CDH18: variants seen among roughly 807,000 people sequenced by gnomAD.
CDH18 encodes the protein cadherin 18, also known as cadherin-18.
A neutral mutation model predicts 67.9 loss-of-function variants in CDH18; 31 were observed. That is an observed-to-expected ratio of 0.46 (90% CI 0.34 to 0.62). The LOEUF (loss-of-function observed/expected upper bound fraction) is 0.62. Ranked by LOEUF, CDH18 falls within the 20% of genes least tolerant of loss-of-function variation. CDH18 has a pLI of 0.01. For missense variants in CDH18, 890 were observed against 975.5 expected, an observed-to-expected ratio of 0.91 and a Z score of 1.17; for synonymous variants, 362 against 347.2, an observed-to-expected ratio of 1.04 and a Z score of -0.48.
intron 2 of CDH18, among the ~76,000 whole-genome samples, chr5:19,966,559 TAAAG>T (rs1797458671): frequency 6.6e-6 from 1 of 152,094 alleles, no homozygotes; most frequent in Admixed American, 6.6e-5. Flanking sequence ...TCACATGGTA[TAAAG>T]AAAGTAGCAA....
chr5:19,879,910 A>T (rs929210691), intron 2 of CDH18, among the ~76,000 whole-genome samples: 3 of 151,980 alleles, frequency 2.0e-5, no homozygotes, highest in Non-Finnish European at 4.4e-5. Context: ...TATCTTTTAA[A>T]GGTGACTTAA....
chr5:19,850,403 G>A lies in CDH18; in HGVS notation c.-256-11161C>T, dbSNP rs141903481. On this transcript the variant is annotated intron_variant, in intron 2 of 12. Transcript: ENST00000382275. ...ACAATCAACTACAAATAATGTTTAGGGTAGATGTGATTTTTATTTCTACCA... is the reference window on the plus strand; with the variant it reads ...ACAATCAACTACAAATAATGTTTAGAGTAGATGTGATTTTTATTTCTACCA... Among the ~76,000 whole-genome samples the A allele has an allele frequency of 5.7e-3, 860 of 151,720 alleles. 4 individuals are homozygous for A. The highest frequency in any genetic ancestry group is 0.011 in the Admixed American group (166 of 15,198).
At chr5:19,654,248 C>G (rs1756006453) in intron 5 of CDH18, among the ~76,000 whole-genome samples, 1 of 152,080 alleles carries the variant, frequency 6.6e-6, no homozygotes, top group East Asian at 1.9e-4. Flanking sequence ...ATGATAAGAG[C>G]AAGAAGAGGT....
intron 8 of CDH18, among the ~76,000 whole-genome samples, chr5:19,546,104 G>C (rs1455170686): frequency 1.3e-5 from 2 of 152,166 alleles, no homozygotes; most frequent in African/African-American, 4.8e-5. Context: ...ATTCTGTTAG[G>C]AGGTTGATTG....
Position 20,117,030 on chromosome 5 carries a change from A to AGTGT in CDH18, c.-517-125020_-517-125017dup, listed in dbSNP as rs368558102. On this transcript the variant is annotated intron_variant, in intron 2 of 14. Coordinates refer to the CDH18 transcript ENST00000507958. Reference sequence around the variant, plus strand: ...ATAAATGTGTGTGTGTGTGTGTGTGAGTGTGTGTGTGTGTGTGTGTATTTT... The same window carrying AGTGT: ...ATAAATGTGTGTGTGTGTGTGTGTGAGTGTGTGTGTGTGTGTGTGTGTGTATTTT... 2.9e-3 allele frequency among the ~76,000 whole-genome samples: 432 copies of AGTGT among 147,866 alleles called. 5 individuals are homozygous for AGTGT. The highest frequency in any genetic ancestry group is 1.0e-2 in the African/African-American group (404 of 40,480).
At position 19,517,401 on chromosome 5, in the gene CDH18, A is replaced by T. The variant is rs183525028; in HGVS notation, c.1512+3256T>A. On this transcript the variant is annotated intron_variant, in intron 10 of 12. Coordinates refer to ENST00000382275, the MANE Select transcript of CDH18 (RefSeq NM_004934.5). ...GTCTGTAGTTTGTCTTTTTTTTATCATCTTAACAGACTTTTTCAAAGAGCA... is the reference window on the plus strand; with the variant it reads ...GTCTGTAGTTTGTCTTTTTTTTATCTTCTTAACAGACTTTTTCAAAGAGCA... 1.8e-3 allele frequency among the ~76,000 whole-genome samples: 276 copies of T among 151,952 alleles called. 2 individuals are homozygous for T. Among genetic ancestry groups the T allele is most frequent in the Admixed American group, 0.017 (253 of 15,248 alleles).
chr5:19,665,300 A>G (rs1212809328), intron 5 of CDH18, among the ~76,000 whole-genome samples: 1 of 152,038 alleles, frequency 6.6e-6, no homozygotes, highest in Non-Finnish European at 1.5e-5. Context: ...CTGTATAAGT[A>G]AAAGAATAAT....
rs1229024384 is a variant in CDH18, at chr5:19,715,804, C to T, written c.643+5543G>A. Among the ~76,000 whole-genome samples, 3 of 143,212 alleles carry T rather than the reference C, an allele frequency of 2.1e-5. No homozygotes were observed. The East Asian group carries it at 6.6e-4, about 32-fold the overall frequency. 94.0% of individuals were successfully genotyped at this position (143,212 alleles called of 152,430 possible). The stretch of plus-strand genomic sequence containing the variant: ...TCAAAATGTAGTAATTTTGGAAATT[C>T]TTGTCGATCTCTTTTTTTTTTTTTT... On this transcript the variant is annotated intron_variant, in intron 5 of 12. Transcript: ENST00000382275.
At chr5:20,392,760 A>G (rs1580893507) in intron 1 of CDH18, among the ~76,000 whole-genome samples, 2 of 151,932 alleles carry the variant, frequency 1.3e-5, no homozygotes, top group Non-Finnish European at 2.9e-5. Flanking sequence ...AAAATTTACA[A>G]TGATGACATA....
At chr5:20,022,109 A>G (rs1738478019) in intron 2 of CDH18, among the ~76,000 whole-genome samples, 1 of 152,216 alleles carries the variant, frequency 6.6e-6, no homozygotes, top group African/African-American at 2.4e-5. Context: ...TGTTCTTCCA[A>G]CTAGTATTGT....
intron 9 of CDH18, among the ~76,000 whole-genome samples, chr5:19,522,368 A>G (rs1446962583): frequency 2.6e-5 from 4 of 152,282 alleles, no homozygotes; most frequent in Non-Finnish European, 4.4e-5. Flanking sequence ...AAAGACCCAT[A>G]TGCAGAATAC....
intron 2 of CDH18, among the ~76,000 whole-genome samples, chr5:19,972,355 T>C (rs1252346855): frequency 6.6e-6 from 1 of 152,036 alleles, no homozygotes; most frequent in Admixed American, 6.6e-5. Flanking sequence ...ATGTCAAAAT[T>C]ACTAAGTCTA....
chr5:19,482,728 G>A lies in CDH18; in HGVS notation c.1882+573C>T, dbSNP rs776282254. 1.8e-3 allele frequency among the ~76,000 whole-genome samples: 269 copies of A among 152,196 alleles called. 3 individuals carry two copies. Among genetic ancestry groups the A allele is most frequent in the Non-Finnish European group, 1.8e-3 (123 of 68,000 alleles). On this transcript the variant is annotated intron_variant, in intron 12 of 12. Coordinates refer to ENST00000382275, the MANE Select transcript of CDH18 (RefSeq NM_004934.5). The stretch of plus-strand genomic sequence containing the variant: ...CAAATTAATGTTTCTGTCATCTCAC[G>A]TAGTTACACTCTTTTTTCACGTGAA...
intron 1 of CDH18, among the ~76,000 whole-genome samples, chr5:20,340,235 T>A (rs1044670247): frequency 1.1e-4 from 16 of 152,176 alleles, no homozygotes; most frequent in African/African-American, 2.2e-4. Context: ...AGGACAAGTT[T>A]ATTACCCAGT....
chr5:19,644,010 TA>T (rs1561530639), intron 5 of CDH18, among the ~76,000 whole-genome samples: 6 of 152,154 alleles, frequency 3.9e-5, no homozygotes, highest in Non-Finnish European at 7.4e-5. Context: ...AAAACATACA[TA>T]GTGCCTCTCC....
intron 2 of CDH18, among the ~76,000 whole-genome samples, chr5:19,935,884 T>C (rs543648593): frequency 6.6e-6 from 1 of 150,904 alleles, no homozygotes; most frequent in Non-Finnish European, 1.5e-5. Context: ...TGTGATTTTT[T>C]TTTTTGTTCC....
rs1431262560 is a variant in CDH18 at position 19,472,150 on chromosome 5, T to C, written c.*1076A>G. Among the ~76,000 whole-genome samples, 1 of 152,188 alleles carries C rather than the reference T, an allele frequency of 6.6e-6. No homozygotes were observed. The highest frequency in any genetic ancestry group is 1.5e-5 in the Non-Finnish European group (1 of 68,036). The stretch of plus-strand genomic sequence containing the variant: ...TCTGAAACTGTGTAAGGAATAAATG[T>C]AAGTCAACTATGATTCTATGACATT... On this transcript the variant is annotated 3_prime_UTR_variant, in exon 13 of 13. Coordinates refer to ENST00000382275, the MANE Select transcript of CDH18 (RefSeq NM_004934.5).
rs139582577 is a variant in CDH18, at chr5:19,684,102, A to G, written c.643+37245T>C. Among the ~76,000 whole-genome samples the G allele has an allele frequency of 1.3e-3, 196 of 152,136 alleles. 1 individual carries two copies. The highest frequency in any genetic ancestry group is 4.6e-3 in the African/African-American group (190 of 41,538). On this transcript the variant is annotated intron_variant, in intron 5 of 12. Coordinates refer to ENST00000382275, the MANE Select transcript of CDH18 (RefSeq NM_004934.5). ...TTGATTTTCCTTTCTATAGTTTCTA[A>G]TTGTTTGTTTTTCATGACATTTTCC...
intron 4 of CDH18, among the ~76,000 whole-genome samples, chr5:19,744,694 T>A (rs1370111699): frequency 1.3e-5 from 2 of 152,206 alleles, no homozygotes; most frequent in Admixed American, 1.3e-4. Context: ...AGCTGATGGA[T>A]CATATTTGTC....
Sources: gnomAD v4.1 joint callset for allele counts (sites outside exome capture counted in the v4.1 genomes callset) on GRCh38, gnomAD v4.1.1 for gene constraint, MANE v1.5 for transcripts, NCBI Gene and HGNC (gene_info 2026-07-23, HGNC 2026-07-21) for gene names.